DPYD: variants seen among roughly 807,000 people sequenced by gnomAD.
The protein encoded by DPYD is dihydropyrimidine dehydrogenase [NADP(+)].
DPYD carries 109 observed loss-of-function variants against 116.2 expected under a neutral mutation model. That is an observed-to-expected ratio of 0.94 (90% CI 0.80 to 1.10). DPYD has a LOEUF of 1.10. Among genes scored for constraint, DPYD ranks in the 50% least tolerant of loss-of-function variants. DPYD has a pLI of 0.00. For synonymous variants in DPYD, 440 were observed against 432.0 expected (o/e 1.02, Z -0.23); for missense variants, 1,302 against 1,254.5 (o/e 1.04, Z -0.57).
At chr1:97,490,827 TA>T (rs33972983) in intron 13 of DPYD, among the ~76,000 whole-genome samples, 13 of 144,132 alleles carry the variant, frequency 9.0e-5, no homozygotes, top group South Asian at 4.3e-4. Context: ...AATGTAATGC[TA>T]AAAAAAAAAA....
intron 2 of DPYD, among the ~76,000 whole-genome samples, chr1:97,881,508 C>T (rs939586340): frequency 6.6e-6 from 1 of 151,930 alleles, no homozygotes; most frequent in Non-Finnish European, 1.5e-5. Context: ...TGTCAAACTG[C>T]TTTTATAAAT....
At chr1:97,372,755 A>G (rs534601237) in intron 16 of DPYD, among the ~76,000 whole-genome samples, 3 of 152,154 alleles carry the variant, frequency 2.0e-5, no homozygotes, top group Admixed American at 6.5e-5. Flanking sequence ...AAAAAAAAAA[A>G]GGTGGGGACC....
rs535001969 is a variant in DPYD, at chr1:97,783,455, T to G, written c.234-42976A>C. Among the ~76,000 whole-genome samples, 3 of 152,260 alleles carry G rather than the reference T, an allele frequency of 2.0e-5. No homozygotes were observed. In the South Asian group the frequency reaches 6.2e-4, roughly 32 times the overall value. Reference sequence around the variant, plus strand: ...TGTCACTCATGATGGAGTATAGTGGTGTGATCTCGGCTCACTGCAACCTCC... The same window carrying G: ...TGTCACTCATGATGGAGTATAGTGGGGTGATCTCGGCTCACTGCAACCTCC... On this transcript the variant is annotated intron_variant, in intron 3 of 22. Coordinates refer to ENST00000370192, the MANE Select transcript of DPYD (RefSeq NM_000110.4).
At chr1:97,111,839 G>T (rs1290119695) in intron 20 of DPYD, among the ~76,000 whole-genome samples, 1 of 151,972 alleles carries the variant, frequency 6.6e-6, no homozygotes, top group Admixed American at 6.6e-5. Context: ...ACTTAGCTTG[G>T]CTTCCAATTC....
intron 16 of DPYD, among the ~76,000 whole-genome samples, chr1:97,366,207 C>T (rs1570602056): frequency 6.6e-6 from 1 of 152,228 alleles, no homozygotes; most frequent in East Asian, 1.9e-4. Context: ...TGTAAGCACC[C>T]ATGTCTATCA....
chr1:97,318,495 T>A (rs1342143483), intron 16 of DPYD, among the ~76,000 whole-genome samples: 2 of 151,832 alleles, frequency 1.3e-5, no homozygotes, highest in Admixed American at 6.6e-5. Flanking sequence ...GGCCATTACA[T>A]AATGGTAAAG....
At chr1:97,897,009 G>C in intron 1 of DPYD, among the ~76,000 whole-genome samples, 1 of 151,682 alleles carries the variant, frequency 6.6e-6, no homozygotes, top group African/African-American at 2.4e-5. Flanking sequence ...TGTAATCCTT[G>C]GTGCAAACCC....
chr1:97,274,382 T>C (rs1366690499), intron 18 of DPYD, among the ~76,000 whole-genome samples: 2 of 152,112 alleles, frequency 1.3e-5, no homozygotes, highest in African/African-American at 4.8e-5. Context: ...CTGGCATCTC[T>C]CTTGTGCCCT....
chr1:97,649,434 T>C (rs2100838154), intron 8 of DPYD, among the ~76,000 whole-genome samples: 1 of 152,238 alleles, frequency 6.6e-6, no homozygotes, highest in East Asian at 1.9e-4. Flanking sequence ...ATCTTGTTCA[T>C]ATTTATCATC....
chr1:97,225,277 G>A (rs749628363), intron 19 of DPYD, among the ~76,000 whole-genome samples: 2 of 151,848 alleles, frequency 1.3e-5, no homozygotes, highest in Admixed American at 1.3e-4. Flanking sequence ...TATCTTGTTT[G>A]ATAATAGTTA....
intron 20 of DPYD, among the ~76,000 whole-genome samples, chr1:97,147,267 T>C (rs1217328203): frequency 6.6e-6 from 1 of 152,118 alleles, no homozygotes; most frequent in Non-Finnish European, 1.5e-5. Context: ...AAGAATCGCC[T>C]GAACTCAGGA....
intron 8 of DPYD, among the ~76,000 whole-genome samples, chr1:97,616,631 A>G (rs1342285297): frequency 6.6e-6 from 1 of 152,198 alleles, no homozygotes; most frequent in Non-Finnish European, 1.5e-5. Flanking sequence ...GTCTCTAACC[A>G]TGTAGCTCAA....
chr1:97,296,340 G>A (rs1399513372), intron 18 of DPYD, among the ~76,000 whole-genome samples: 2 of 152,026 alleles, frequency 1.3e-5, no homozygotes, highest in East Asian at 1.9e-4. Flanking sequence ...AATGGAGAAG[G>A]TGTCCAAATA....
chr1:97,903,148 T>C (rs1673445525), intron 1 of DPYD, among the ~76,000 whole-genome samples: 1 of 151,892 alleles, frequency 6.6e-6, no homozygotes, highest in African/African-American at 2.4e-5. Flanking sequence ...TACACACTTG[T>C]TAAGATTTAA....
At chr1:97,774,551 A>AGTAT (rs1245562328) in intron 3 of DPYD, 2 of 152,426 alleles carry the variant, frequency 1.3e-5, no homozygotes, top group East Asian at 3.9e-4. Context: ...GCCACAGGCA[A>AGTAT]GTATGGCTCT....
intron 14 of DPYD, among the ~76,000 whole-genome samples, chr1:97,411,290 T>C (rs1258940160): frequency 2.0e-5 from 3 of 152,180 alleles, no homozygotes; most frequent in African/African-American, 7.2e-5. Flanking sequence ...AAATAGTGAA[T>C]GAATAAGCTA....
intron 3 of DPYD, among the ~76,000 whole-genome samples, chr1:97,794,329 T>C (rs1667463225): frequency 6.6e-6 from 1 of 152,138 alleles, no homozygotes; most frequent in African/African-American, 2.4e-5. Context: ...GAATCCATAA[T>C]ATTGTTTAAA....
At chr1:97,189,620 A>G (rs1183244889) in intron 20 of DPYD, among the ~76,000 whole-genome samples, 1 of 152,162 alleles carries the variant, frequency 6.6e-6, no homozygotes, top group Admixed American at 6.5e-5. Flanking sequence ...ACTAAAATAT[A>G]TACATTGCCT....
chr1:97,303,602 A>C (rs1269988243), intron 18 of DPYD, among the ~76,000 whole-genome samples: 1 of 152,034 alleles, frequency 6.6e-6, no homozygotes, highest in Non-Finnish European at 1.5e-5. Context: ...TTCAGATTCT[A>C]TTACTTTTAA....
Sources: gnomAD v4.1 joint callset for allele counts (sites outside exome capture counted in the v4.1 genomes callset) on GRCh38, gnomAD v4.1.1 for gene constraint, MANE v1.5 for transcripts, NCBI Gene and HGNC (gene_info 2026-07-23, HGNC 2026-07-21) for gene names.